The following TMEM245 variants were observed in gnomAD, a reference collection of about 807,000 sequenced individuals.
TMEM245 encodes protein CG-2.
In TMEM245, 69 loss-of-function variants were observed where a neutral mutation model predicts 101.2. That is an observed-to-expected ratio of 0.68 (90% CI 0.56 to 0.83). TMEM245 has a LOEUF of 0.83. TMEM245 is among the 40% of genes least tolerant of loss of function. The pLI is 0.00. For synonymous variants in TMEM245, 537 were observed against 449.8 expected (o/e 1.19, Z -2.45); for missense variants, 1,075 against 1,092.8 (o/e 0.98, Z 0.23).
At chr9:109,113,284 T>A (rs1292850082) in intron 1 of TMEM245, among the ~76,000 whole-genome samples, 1 of 151,780 alleles carries the variant, frequency 6.6e-6, no homozygotes. Flanking sequence ...CTCTTAGGAG[T>A]TTTTTAATTC....
At chr9:109,052,816 A>G (rs976196110) in intron 12 of TMEM245, among the ~76,000 whole-genome samples, 2 of 152,204 alleles carry the variant, frequency 1.3e-5, no homozygotes, top group African/African-American at 4.8e-5. Context: ...ATTAAAAAAA[A>G]AAATTTAAAT....
At chr9:109,090,606 C>T (rs1420248582) in intron 5 of TMEM245, among the ~76,000 whole-genome samples, 1 of 151,712 alleles carries the variant, frequency 6.6e-6, no homozygotes, top group East Asian at 1.9e-4. Flanking sequence ...CACCTATAGT[C>T]CCAGCTACTC....
rs904054098 is a variant in TMEM245, at chr9:109,073,856, G to GTTTT, written c.1450-422_1450-419dup. On this transcript the variant is annotated intron_variant, in intron 8 of 17. Coordinates refer to ENST00000374586, the MANE Select transcript of TMEM245 (RefSeq NM_032012.4). ...AATAAGGAACTAACTTTTTTTTTTT[G>GTTTT]TTTTTTTTTTTTTTTTTTTAGCCAG... Among the ~76,000 whole-genome samples, 294 of 119,842 alleles carry GTTTT rather than the reference G, an allele frequency of 2.5e-3. 8 individuals carry two copies. Among genetic ancestry groups the GTTTT allele is most frequent in the Non-Finnish European group, 3.5e-3 (211 of 60,688 alleles). 78.6% of individuals were successfully genotyped at this position (119,842 alleles called of 152,430 possible). A position where few individuals can be genotyped will look rare whatever the true frequency, so the allele number is the denominator to read the frequency against.
chr9:109,080,560 C>T (rs1482030510), intron 8 of TMEM245, among the ~76,000 whole-genome samples: 2 of 151,792 alleles, frequency 1.3e-5, no homozygotes, highest in Non-Finnish European at 2.9e-5. Context: ...CTAAAAAAAA[C>T]AAGCGCCACT....
chr9:109,044,729 G>A (rs954179254), intron 14 of TMEM245, among the ~76,000 whole-genome samples: 2 of 151,280 alleles, frequency 1.3e-5, no homozygotes, highest in African/African-American at 4.9e-5. Context: ...GGGGTAATTG[G>A]CATATCCATC....
At chr9:109,075,475 A>G (rs1829470267) in intron 8 of TMEM245, among the ~76,000 whole-genome samples, 1 of 152,188 alleles carries the variant, frequency 6.6e-6, no homozygotes, top group Non-Finnish European at 1.5e-5. Context: ...CTCATCAGTG[A>G]GATCATCTGG....
intron 5 of TMEM245, among the ~76,000 whole-genome samples, chr9:109,089,001 C>T (rs554303116): frequency 8.6e-5 from 13 of 151,992 alleles, no homozygotes; most frequent in East Asian, 3.9e-4. Flanking sequence ...AGGCCGGGGA[C>T]GGTGACTCAC....
chr9:109,024,989 C>A (rs972733246), intron 17 of TMEM245, among the ~76,000 whole-genome samples: 5 of 152,152 alleles, frequency 3.3e-5, no homozygotes, highest in Non-Finnish European at 7.4e-5. Context: ...GAGGCAGGAA[C>A]CAGTAAAGAG....
chr9:109,108,405 A>T (rs1195015409), intron 2 of TMEM245, 48 bp downstream of exon 2: 1 of 1,094,042 alleles, frequency 9.1e-7, no homozygotes, highest in Non-Finnish European at 1.3e-6. Context: ...GCCTCTGCTG[A>T]CCTTAGGCTA....
chr9:109,065,737 T>C (rs1015258988), intron 9 of TMEM245, among the ~76,000 whole-genome samples: 3 of 152,132 alleles, frequency 2.0e-5, no homozygotes, highest in African/African-American at 4.8e-5. Flanking sequence ...GCTGGAGATG[T>C]TGACATTCAC....
chr9:109,119,775 C>T lies in TMEM245; in HGVS notation c.139G>A (p.Asp47Asn). 6.7e-7 allele frequency: 1 copy of T among 1,486,654 alleles called. No individual in the cohort carries two copies. The highest frequency in any genetic ancestry group is 1.3e-5 in the South Asian group (1 of 78,988). 92.1% of individuals were successfully genotyped at this position (1,486,654 alleles called of 1,614,324 possible). A position where few individuals can be genotyped will look rare whatever the true frequency, so the allele number is the denominator to read the frequency against. ...PRTAALALRF[D>N]KPIKQAFYNT... is the part of the protein sequence containing the mutation. ...TAGAAGGCCTGCTTAATGGGCTTGT[C>T]GAAGCGCAGCGCCAGCGCCGCGGTC... is the stretch of plus-strand genomic sequence containing the variant. The change falls in exon 1 of 18, where the codon GAC becomes AAC. Residue 47 changes from aspartate to asparagine, a missense_variant. Asp to Asn is a conservative substitution (Grantham distance 23). Around this residue, in one of 2 missense-constraint regions of TMEM245, gnomAD observed 808 missense variants for 741.5 expected, o/e 1.09. Transcript: ENST00000374586.
intron 7 of TMEM245, among the ~76,000 whole-genome samples, chr9:109,084,574 T>C (rs184993889): frequency 2.4e-4 from 37 of 152,272 alleles, no homozygotes; most frequent in Non-Finnish European, 4.1e-4. Context: ...ATAACACAAA[T>C]TGAAGAAAAG....
chr9:109,097,592 C>T (rs944726298), intron 3 of TMEM245, among the ~76,000 whole-genome samples: 3 of 152,158 alleles, frequency 2.0e-5, no homozygotes, highest in Non-Finnish European at 1.5e-5. Context: ...TACATAAATT[C>T]GTATCTCATT....
rs1461895014 is a variant in TMEM245 at position 109,093,089 on chromosome 9, G to A, written c.916+386C>T. On this transcript the variant is annotated intron_variant, in intron 4 of 17. Transcript: ENST00000374586. ...TGGAGGAGAACTGACAGTTGTAGAA[G>A]AAAGAAATGGAAAATAAGAAATCAA... 5.9e-5 allele frequency among the ~76,000 whole-genome samples: 9 copies of A among 152,016 alleles called. No homozygotes were observed. The East Asian group carries it at 1.7e-3, about 29-fold the overall frequency.
intron 4 of TMEM245, 24 bp from the exon 5 acceptor site, chr9:109,091,179 A>C: frequency 1.3e-6 from 2 of 1,593,690 alleles, no homozygotes; most frequent in Non-Finnish European, 1.7e-6. Context: ...GAAAAACACC[A>C]CACACCGCAT....
In TMEM245 at chr9:109,020,383, G is replaced by A. The variant is rs771788193; in HGVS notation, c.*77C>T. 2.3e-4 allele frequency: 330 copies of A among 1,419,296 alleles called. No individual in the cohort carries two copies. The highest frequency in any genetic ancestry group is 3.3e-4 in the Non-Finnish European group (327 of 1,002,468). 87.9% of individuals were successfully genotyped at this position (1,419,296 alleles called of 1,614,324 possible). On this transcript the variant is annotated 3_prime_UTR_variant, in exon 18 of 18. Transcript: ENST00000374586. Reference sequence around the variant, plus strand: ...TTTTGCTTGCTAGGCACAGCTGGAAGGGCAGAGGGCCACAGCTGAGCTGAA... The same window carrying A: ...TTTTGCTTGCTAGGCACAGCTGGAAAGGCAGAGGGCCACAGCTGAGCTGAA...
At position 109,018,584 on chromosome 9, in the gene TMEM245, T is replaced by C. The variant is rs1357891379; in HGVS notation, c.*1876A>G. 1 of 152,208 alleles carries C rather than the reference T, an allele frequency of 6.6e-6. No homozygotes were observed. The highest frequency in any genetic ancestry group is 6.5e-5 in the Admixed American group (1 of 15,284). 9.4% of individuals were successfully genotyped at this position (152,208 alleles called of 1,614,324 possible). ...AGATCTCATGGTAGCCTTTTCTAAA[T>C]GAAATTTTTCTTAAGTAGTGTAAGA... On this transcript the variant is annotated 3_prime_UTR_variant, in exon 18 of 18. Coordinates refer to ENST00000374586, the MANE Select transcript of TMEM245 (RefSeq NM_032012.4).
rs867918735 is a variant in TMEM245, at chr9:109,015,216, C to T, written c.*5244G>A. 3 of 147,660 alleles carry T rather than the reference C, an allele frequency of 2.0e-5. No individual in the cohort carries two copies. In the South Asian group the frequency reaches 6.4e-4, roughly 31 times the overall value. The allele number at this position is 147,660 out of a possible 1,614,324, so 9.1% of individuals were successfully genotyped here. A position where few individuals can be genotyped will look rare whatever the true frequency, so the allele number is the denominator to read the frequency against. On this transcript the variant is annotated 3_prime_UTR_variant, in exon 18 of 18. Transcript: ENST00000374586. Reference sequence around the variant, plus strand: ...TTTCACATTAATAAAGAAGTTACATCAGTAGGTTGTCAAAGCAAGTTAGCT... The same window carrying T: ...TTTCACATTAATAAAGAAGTTACATTAGTAGGTTGTCAAAGCAAGTTAGCT...
intron 14 of TMEM245, among the ~76,000 whole-genome samples, chr9:109,040,318 TTTC>T (rs1438898451): frequency 2.0e-5 from 3 of 152,218 alleles, no homozygotes; most frequent in African/African-American, 4.8e-5. Context: ...CTAGCAACTT[TTTC>T]TTCTTTTTTA....
Sources: gnomAD v4.1 joint callset for allele counts (sites outside exome capture counted in the v4.1 genomes callset) on GRCh38, gnomAD v4.1.1 for gene constraint, gnomAD v4.1.1 regional missense constraint, MANE v1.5 for transcripts, NCBI Gene and HGNC (gene_info 2026-07-23, HGNC 2026-07-21) for gene names.